Variants in MAP2K5 observed in about 807,000 individuals in gnomAD.
MAP2K5 encodes the protein dual specificity mitogen-activated protein kinase kinase 5.
MAP2K5 carries 49 observed loss-of-function variants against 83.1 expected under a neutral mutation model. The observed-to-expected ratio is 0.59, with a 90% confidence interval of 0.47 to 0.75. The LOEUF is 0.75. Ranked by LOEUF, MAP2K5 falls within the 30% of genes least tolerant of loss-of-function variation. MAP2K5 has a pLI of 0.00. For missense variants in MAP2K5, 457 were observed against 557.5 expected, an observed-to-expected ratio of 0.82 and a Z score of 1.82; for synonymous variants, 202 against 191.8, an observed-to-expected ratio of 1.05 and a Z score of -0.44.
In MAP2K5 at chr15:67,780,330, A is replaced by T. The variant is rs1282956764; in HGVS notation, c.1242+7578A>T. On this transcript the variant is annotated intron_variant, in intron 21 of 21. Coordinates refer to ENST00000178640, the MANE Select transcript of MAP2K5 (RefSeq NM_145160.3). The surrounding 1 kb of genome is among the most constrained non-coding windows in gnomAD (Gnocchi z 5.0). ...GTGATTACAAGGACAGCCAGAGGGG[A>T]AACTCACTGGTTTAATACCTTTTTT... 6.6e-6 allele frequency among the ~76,000 whole-genome samples: 1 copy of T among 152,000 alleles called. No homozygotes were observed. Among genetic ancestry groups the T allele is most frequent in the Non-Finnish European group, 1.5e-5 (1 of 68,010 alleles).
chr15:67,613,062 T>G (rs1185965737), intron 8 of MAP2K5, among the ~76,000 whole-genome samples: 2 of 152,204 alleles, frequency 1.3e-5, no homozygotes, highest in East Asian at 3.8e-4. Context: ...CCCAATCATC[T>G]TTTACTTTTA....
chr15:67,772,650 A>G, intron 20 of MAP2K5, 57 bp from the exon 21 acceptor site: 1 of 1,175,170 alleles, frequency 8.5e-7, no homozygotes, highest in Non-Finnish European at 1.2e-6. Context: ...TAGAAATTAT[A>G]GCAAAAATAT....
At chr15:67,595,651 A>C (rs1210387921) in intron 7 of MAP2K5, among the ~76,000 whole-genome samples, 1 of 152,254 alleles carries the variant, frequency 6.6e-6, no homozygotes, top group Non-Finnish European at 1.5e-5. Context: ...CTTTAAAAAA[A>C]GTTTAACACT....
At chr15:67,595,976 C>CTT (rs11335365) in intron 7 of MAP2K5, among the ~76,000 whole-genome samples, 121 of 145,002 alleles carry the variant, frequency 8.3e-4, no homozygotes, top group East Asian at 5.5e-3. Flanking sequence ...GTTATTTTTT[C>CTT]TTTTTTTTTT....
rs919335626 is a variant in MAP2K5 at position 67,636,276 on chromosome 15, C to T, written c.585+5349C>T. On this transcript the variant is annotated intron_variant, in intron 9 of 21. Transcript: ENST00000178640. The surrounding 1 kb of genome is among the most constrained non-coding windows in gnomAD (Gnocchi z 4.7). Reference sequence around the variant, plus strand: ...ACAAAAAATTAGCTGGCCGTGGTGTCGGGCGCTTGTAGTCCCAGCTACTCA... The same window carrying T: ...ACAAAAAATTAGCTGGCCGTGGTGTTGGGCGCTTGTAGTCCCAGCTACTCA... Among the ~76,000 whole-genome samples the T allele has an allele frequency of 2.0e-5, 3 of 152,032 alleles. No individual in the cohort carries two copies. The highest frequency in any genetic ancestry group is 4.4e-5 in the Non-Finnish European group (3 of 68,000).
chr15:67,756,113 A>G (rs1182152526), intron 19 of MAP2K5, among the ~76,000 whole-genome samples: 1 of 152,144 alleles, frequency 6.6e-6, no homozygotes, highest in Non-Finnish European at 1.5e-5. Context: ...CTATCTCTCT[A>G]TTGGCCCAGA....
intron 13 of MAP2K5, among the ~76,000 whole-genome samples, chr15:67,684,660 A>G (rs1249507822): frequency 6.6e-6 from 1 of 152,242 alleles, no homozygotes. Context: ...CACACCAGAA[A>G]TAATGTACTT....
rs1255433079 is a variant in MAP2K5 at position 67,719,057 on chromosome 15, C to T, written c.1045-8859C>T. Among the ~76,000 whole-genome samples, 1 of 152,206 alleles carries T rather than the reference C, an allele frequency of 6.6e-6. No individual in the cohort carries two copies. The highest frequency in any genetic ancestry group is 1.5e-5 in the Non-Finnish European group (1 of 68,030). On this transcript the variant is annotated intron_variant, in intron 16 of 21. Coordinates refer to ENST00000178640, the MANE Select transcript of MAP2K5 (RefSeq NM_145160.3). This position sits in a 1 kb window ranked among gnomAD's most constrained non-coding sequence, Gnocchi z 4.6. ...TCATCCCCACTCTTCTCCTTGCCAA[C>T]TACCCTTCCCAGCCTCTGGTAACCA...
intron 16 of MAP2K5, among the ~76,000 whole-genome samples, chr15:67,703,983 G>C (rs1203661492): frequency 2.0e-5 from 3 of 152,202 alleles, no homozygotes; most frequent in Non-Finnish European, 4.4e-5. Context: ...GAAGGGGGAA[G>C]AGGATGTATG....
chr15:67,571,871 C>G (rs1008327801), intron 3 of MAP2K5, among the ~76,000 whole-genome samples: 4 of 152,148 alleles, frequency 2.6e-5, no homozygotes, highest in African/African-American at 9.7e-5. Context: ...TAGCAGTTCT[C>G]TGGCCAAGCA....
At chr15:67,688,308 T>C (rs570343192) in intron 13 of MAP2K5, among the ~76,000 whole-genome samples, 1 of 152,108 alleles carries the variant, frequency 6.6e-6, no homozygotes, top group Non-Finnish European at 1.5e-5. Context: ...CTTTGGAGGT[T>C]TTAGGCAAAG....
chr15:67,727,949 A>T lies in MAP2K5; in HGVS notation c.1074+4A>T. 6.2e-7 allele frequency: 1 copy of T among 1,610,898 alleles called. No homozygotes were observed. Among genetic ancestry groups the T allele is most frequent in the Non-Finnish European group, 8.5e-7 (1 of 1,177,090 alleles). ...TGGGAGGTTTCCATATCCTCAGGTA[A>T]GATTGTTCATTACTGCTGTTTGCCA... On this transcript the variant is annotated splice_donor_region_variant and intron_variant, in intron 17 of 21. Transcript: ENST00000178640.
rs2088609891 is a variant in MAP2K5, at chr15:67,708,360, G to T, written c.1044+4952G>T. On this transcript the variant is annotated intron_variant, in intron 16 of 21. Coordinates refer to ENST00000178640, the MANE Select transcript of MAP2K5 (RefSeq NM_145160.3). This position sits in a 1 kb window ranked among gnomAD's most constrained non-coding sequence, Gnocchi z 4.9. ...AATCAGATAGAGACAAAATGGGCAT[G>T]AGAGTTTTCTGTCTCCTTTACATCT... Among the ~76,000 whole-genome samples, 2 of 151,986 alleles carry T rather than the reference G, an allele frequency of 1.3e-5. No homozygotes were observed.
intron 8 of MAP2K5, among the ~76,000 whole-genome samples, chr15:67,613,625 T>C (rs1025389924): frequency 1.3e-5 from 2 of 152,158 alleles, no homozygotes; most frequent in African/African-American, 4.8e-5. Context: ...TAAATCTCCA[T>C]TGAATGAAAA....
At chr15:67,791,553 AG>A (rs1200375812) in intron 21 of MAP2K5, among the ~76,000 whole-genome samples, 11 of 152,228 alleles carry the variant, frequency 7.2e-5, no homozygotes, top group African/African-American at 2.7e-4. Flanking sequence ...CACCTGGCAC[AG>A]GGTAAGTGCT....
At chr15:67,799,956 G>A (rs573566769) in intron 21 of MAP2K5, among the ~76,000 whole-genome samples, 3 of 152,262 alleles carry the variant, frequency 2.0e-5, no homozygotes, top group Admixed American at 6.5e-5. Flanking sequence ...CGGTGGGGGG[G>A]ATTGTTATTG....
Position 67,747,275 on chromosome 15 carries a change from T to A in MAP2K5, c.1075-956T>A, listed in dbSNP as rs12050676. On this transcript the variant is annotated intron_variant, in intron 17 of 21. Coordinates refer to ENST00000178640, the MANE Select transcript of MAP2K5 (RefSeq NM_145160.3). The surrounding 1 kb of genome is among the most constrained non-coding windows in gnomAD (Gnocchi z 4.1). ...TTAAAAACATATAAGGGATTATTAC[T>A]AGTTTCCCTGTATTTTACCGGCTGG... Among the ~76,000 whole-genome samples, 15,590 of 152,248 alleles carry A rather than the reference T, an allele frequency of 0.1. 880 individuals carry two copies. Among genetic ancestry groups the A allele is most frequent in the Admixed American group, 0.11 (1,683 of 15,302 alleles).
At chr15:67,688,148 C>G (rs1347835699) in intron 13 of MAP2K5, among the ~76,000 whole-genome samples, 2 of 152,224 alleles carry the variant, frequency 1.3e-5, no homozygotes, top group African/African-American at 4.8e-5. Flanking sequence ...GGACACAGAG[C>G]CACAGCGCAA....
intron 11 of MAP2K5, among the ~76,000 whole-genome samples, chr15:67,651,279 C>A (rs987450593): frequency 6.6e-6 from 1 of 152,116 alleles, no homozygotes; most frequent in African/African-American, 2.4e-5. Flanking sequence ...GGAGTACATG[C>A]ATAATAATAT....
Sources: allele counts gnomAD v4.1 joint callset (sites outside exome capture counted in the v4.1 genomes callset), GRCh38; gene constraint gnomAD v4.1.1; non-coding constraint Gnocchi (gnomAD v3.1); transcripts MANE v1.5; gene names NCBI Gene and HGNC (gene_info 2026-07-23, HGNC 2026-07-21).